Variants in PTPRM observed in about 807,000 individuals in gnomAD.
PTPRM encodes receptor-type tyrosine-protein phosphatase mu.
A neutral mutation model predicts 186.7 loss-of-function variants in PTPRM; 47 were observed. That is an observed-to-expected ratio of 0.25 (90% confidence interval 0.20 to 0.32). PTPRM has a LOEUF of 0.32. Ranked by LOEUF, PTPRM falls within the 10% of genes least tolerant of loss-of-function variation. The pLI is 1.00. For synonymous variants in PTPRM, 668 were observed against 674.9 expected (o/e 0.99, Z 0.16); for missense variants, 1,494 against 1,865.0 (o/e 0.80, Z 3.66).
intron 7 of PTPRM, among the ~76,000 whole-genome samples, chr18:7,966,204 G>C (rs919019438): frequency 3.3e-5 from 5 of 152,010 alleles, no homozygotes; most frequent in Non-Finnish European, 5.9e-5. Context: ...ATAAATACAA[G>C]AAATTTTATT....
At chr18:7,899,262 G>A (rs1327164731) in intron 3 of PTPRM, among the ~76,000 whole-genome samples, 2 of 152,188 alleles carry the variant, frequency 1.3e-5, no homozygotes, top group Non-Finnish European at 2.9e-5. Flanking sequence ...GAAACAAGGC[G>A]ACAGAACATT....
intron 2 of PTPRM, among the ~76,000 whole-genome samples, chr18:7,875,526 A>G (rs1469145034): frequency 1.3e-5 from 2 of 151,960 alleles, no homozygotes; most frequent in South Asian, 2.1e-4. Flanking sequence ...GGGTTTCACC[A>G]TATTGGCCAG....
rs781228109 is a variant in PTPRM at position 8,088,804 on chromosome 18, C to T, written c.1809C>T (p.Thr603=). ...LETPLNQTDN[T]VTVMLKPAHS... The stretch of plus-strand genomic sequence containing the variant: ...CACCTTTGAATCAAACTGACAATAC[C>T]GTGACAGTCATGCTGAAACCTGCCC... Residue 603 remains threonine, a synonymous_variant, in exon 11 of 33, where the codon ACC becomes ACT. Transcript: ENST00000580170. 38 of 1,612,830 alleles carry T rather than the reference C, an allele frequency of 2.4e-5. No homozygotes were observed. The highest frequency in any genetic ancestry group is 3.3e-5 in the Admixed American group (2 of 59,896).
chr18:8,180,680 C>T (rs933962077), intron 14 of PTPRM, among the ~76,000 whole-genome samples: 5 of 152,162 alleles, frequency 3.3e-5, no homozygotes, highest in African/African-American at 1.2e-4. Flanking sequence ...GAGCTTTCTT[C>T]CCTTACCGGT....
chr18:8,376,657 C>T, intron 26 of PTPRM, 60 bp downstream of exon 26: 2 of 1,543,384 alleles, frequency 1.3e-6, no homozygotes, highest in Admixed American at 3.6e-5. Flanking sequence ...CTGCATCTCC[C>T]CATTTCAGGG....
intron 7 of PTPRM, among the ~76,000 whole-genome samples, chr18:7,966,497 G>A (rs1231431187): frequency 3.3e-5 from 5 of 151,946 alleles, no homozygotes; most frequent in Admixed American, 6.5e-5. Flanking sequence ...AGCTCCCAGC[G>A]TGAGCGACGC....
At chr18:7,660,341 A>AT (rs888960119) in intron 1 of PTPRM, among the ~76,000 whole-genome samples, 2 of 151,902 alleles carry the variant, frequency 1.3e-5, no homozygotes, top group African/African-American at 4.8e-5. Context: ...TTCTCAAAAA[A>AT]AAAAATAATA....
chr18:8,125,984 T>C (rs1235524243), intron 13 of PTPRM, among the ~76,000 whole-genome samples: 1 of 4,626 alleles, frequency 2.2e-4, no homozygotes, highest in East Asian at 4.7e-3. Flanking sequence ...TACATATATA[T>C]ATATATATAT....
chr18:7,732,741 G>A lies in PTPRM; in HGVS notation c.74-41408G>A, dbSNP rs146463100. Among the ~76,000 whole-genome samples, 28 of 152,222 alleles carry A rather than the reference G, an allele frequency of 1.8e-4. No individual in the cohort carries two copies. The East Asian group carries it at 2.5e-3, about 14-fold the overall frequency. On this transcript the variant is annotated intron_variant, in intron 1 of 32. Transcript: ENST00000580170. ...GCTGGTCTCGAACTCCTGGTCTCAA[G>A]TGGTCCTCCCACCTTGGCTTCCAAA...
At chr18:7,743,281 G>C (rs2040919322) in intron 1 of PTPRM, among the ~76,000 whole-genome samples, 4 of 152,212 alleles carry the variant, frequency 2.6e-5, no homozygotes, top group Admixed American at 2.6e-4. Context: ...CTGTTGTGAG[G>C]ATGTCGTGGA....
intron 5 of PTPRM, chr18:7,946,837 C>A: frequency 2.4e-6 from 1 of 422,234 alleles, no homozygotes; most frequent in Non-Finnish European, 4.7e-6. Flanking sequence ...TTCCAAGTGG[C>A]AGGAACTGTA....
At chr18:8,034,226 A>T (rs1003605112) in intron 7 of PTPRM, among the ~76,000 whole-genome samples, 5 of 151,774 alleles carry the variant, frequency 3.3e-5, no homozygotes, top group African/African-American at 1.2e-4. Flanking sequence ...TACTCAGCCA[A>T]CCCTCTGACC....
chr18:8,033,984 T>G (rs1260632157), intron 7 of PTPRM, among the ~76,000 whole-genome samples: 2 of 152,128 alleles, frequency 1.3e-5, no homozygotes, highest in Non-Finnish European at 2.9e-5. Context: ...GTTTCATCAC[T>G]CCAGTCTCTG....
At chr18:7,732,452 G>C (rs552001677) in intron 1 of PTPRM, among the ~76,000 whole-genome samples, 1 of 152,108 alleles carries the variant, frequency 6.6e-6, no homozygotes, top group South Asian at 2.1e-4. Flanking sequence ...AATCAGGATT[G>C]TGTTACTTTA....
At chr18:8,317,074 GAGAT>G (rs2095313631) in intron 21 of PTPRM, among the ~76,000 whole-genome samples, 1 of 152,152 alleles carries the variant, frequency 6.6e-6, no homozygotes, top group Non-Finnish European at 1.5e-5. Context: ...TACTGTGAGT[GAGAT>G]GGGCAGTCGT....
chr18:8,003,057 C>T (rs2083962609), intron 7 of PTPRM, among the ~76,000 whole-genome samples: 1 of 152,166 alleles, frequency 6.6e-6, no homozygotes, highest in African/African-American at 2.4e-5. Flanking sequence ...GAGTGTTTCT[C>T]ATTTTGCCAT....
intron 1 of PTPRM, among the ~76,000 whole-genome samples, chr18:7,736,475 C>T (rs773946367): frequency 4.6e-5 from 7 of 152,080 alleles, no homozygotes; most frequent in East Asian, 3.9e-4. Flanking sequence ...GGACTAGCTG[C>T]GGACAAAACC....
intron 4 of PTPRM, among the ~76,000 whole-genome samples, chr18:7,925,167 A>G (rs535803721): frequency 6.6e-6 from 1 of 152,332 alleles, no homozygotes; most frequent in East Asian, 1.9e-4. Flanking sequence ...GACTTTTTAC[A>G]GAGATCTTTT....
At chr18:8,399,960 C>T (rs1443695543) in intron 32 of PTPRM, 1 of 152,288 alleles carries the variant, frequency 6.6e-6, no homozygotes, top group African/African-American at 2.4e-5. Context: ...ATGGTCATAA[C>T]CCTTCGCTGG....
Sources: gnomAD v4.1 joint callset for allele counts (sites outside exome capture counted in the v4.1 genomes callset) on GRCh38, gnomAD v4.1.1 for gene constraint, MANE v1.5 for transcripts, NCBI Gene and HGNC (gene_info 2026-07-23, HGNC 2026-07-21) for gene names.